RBFOX3: variants seen among roughly 807,000 people sequenced by gnomAD.
RBFOX3 encodes RNA binding fox-1 homolog 3.
In RBFOX3, 17 loss-of-function variants were observed where a neutral mutation model predicts 48.7. That is an observed-to-expected ratio of 0.35 (90% CI 0.24 to 0.52). The LOEUF is 0.52. Ranked by LOEUF, RBFOX3 falls within the 20% of genes least tolerant of loss-of-function variation. The pLI, the probability that RBFOX3 is intolerant of heterozygous loss-of-function variation, is 0.94. For missense variants in RBFOX3, 382 were observed against 497.5 expected, an observed-to-expected ratio of 0.77 and a Z score of 2.21; for synonymous variants, 212 against 209.5, an observed-to-expected ratio of 1.01 and a Z score of -0.10.
intron 4 of RBFOX3, among the ~76,000 whole-genome samples, chr17:79,167,737 G>A (rs1348616730): frequency 6.6e-6 from 1 of 152,176 alleles, no homozygotes; most frequent in Non-Finnish European, 1.5e-5. Flanking sequence ...CAGCTGCCCT[G>A]GGGCCTCTTC....
Position 79,418,273 on chromosome 17 carries a change from G to A in RBFOX3, c.-175+64181C>T, listed in dbSNP as rs1555720200. On this transcript the variant is annotated intron_variant, in intron 2 of 14. Coordinates refer to ENST00000693108, the MANE Select transcript of RBFOX3 (RefSeq NM_001350451.2). This position sits in a 1 kb window ranked among gnomAD's most constrained non-coding sequence, Gnocchi z 5.0. ...TTTTTCCAATCGCAGGGATGTATGTGTTCCATCCAGCTGCCTAGTCCTCCC... is the reference window on the plus strand; with the variant it reads ...TTTTTCCAATCGCAGGGATGTATGTATTCCATCCAGCTGCCTAGTCCTCCC... Among the ~76,000 whole-genome samples, 1 of 152,180 alleles carries A rather than the reference G, an allele frequency of 6.6e-6. No individual in the cohort carries two copies. The highest frequency in any genetic ancestry group is 2.4e-5 in the African/African-American group (1 of 41,430).
At chr17:79,129,896 G>A (rs189375323) in intron 4 of RBFOX3, among the ~76,000 whole-genome samples, 57 of 152,272 alleles carry the variant, frequency 3.7e-4, no homozygotes, top group Non-Finnish European at 7.5e-4. Context: ...TGCCCCAGTC[G>A]GGCTCCAATT....
At chr17:79,263,020 C>T (rs909932459) in intron 3 of RBFOX3, among the ~76,000 whole-genome samples, 2 of 152,164 alleles carry the variant, frequency 1.3e-5, no homozygotes, top group Non-Finnish European at 2.9e-5. Context: ...GGAGAACTTG[C>T]TCTTGGCCAC....
intron 1 of RBFOX3, among the ~76,000 whole-genome samples, chr17:79,544,672 T>A (rs2090155474): frequency 6.6e-6 from 1 of 151,990 alleles, no homozygotes; most frequent in South Asian, 2.1e-4. Context: ...CACACCTGGC[T>A]GCCTTCCCCA....
At chr17:79,280,737 C>T (rs1567969535) in intron 3 of RBFOX3, among the ~76,000 whole-genome samples, 1 of 150,954 alleles carries the variant, frequency 6.6e-6, no homozygotes, top group Non-Finnish European at 1.5e-5. Flanking sequence ...CAAAGCTGAG[C>T]ACAATGAACC....
chr17:79,533,208 C>A (rs1419126316), intron 1 of RBFOX3, among the ~76,000 whole-genome samples: 3 of 152,246 alleles, frequency 2.0e-5, no homozygotes, highest in Non-Finnish European at 4.4e-5. Context: ...ACTTCATGGC[C>A]TCTGCCCTGT....
At chr17:79,250,911 C>A (rs987070952) in intron 3 of RBFOX3, among the ~76,000 whole-genome samples, 3 of 151,742 alleles carry the variant, frequency 2.0e-5, no homozygotes, top group African/African-American at 7.3e-5. Context: ...TTCTCCCAAG[C>A]AATTCTCCTA....
At chr17:79,339,863 C>T (rs1315992585) in intron 2 of RBFOX3, among the ~76,000 whole-genome samples, 2 of 152,184 alleles carry the variant, frequency 1.3e-5, no homozygotes, top group African/African-American at 4.8e-5. Context: ...CTTTCTAGCA[C>T]CTACATTCTA....
chr17:79,242,541 A>AGGAGGGGAGAGAAGAGG lies in RBFOX3; in HGVS notation c.-73-6753_-73-6737dup, dbSNP rs1162381200. ...ATAGAAATTTGCCTTTAGAGAGGAA[A>AGGAGGGGAGAGAAGAGG]GGAGGGGAGAGAAGAGGAGAGGGGA... On this transcript the variant is annotated intron_variant, in intron 3 of 14. Coordinates refer to ENST00000693108, the MANE Select transcript of RBFOX3 (RefSeq NM_001350451.2). The surrounding 1 kb of genome is among the most constrained non-coding windows in gnomAD (Gnocchi z 5.8). Among the ~76,000 whole-genome samples the AGGAGGGGAGAGAAGAGG allele has an allele frequency of 6.6e-6, 1 of 151,310 alleles. No homozygotes were observed. Among genetic ancestry groups the AGGAGGGGAGAGAAGAGG allele is most frequent in the African/African-American group, 2.4e-5 (1 of 41,188 alleles).
intron 6 of RBFOX3, among the ~76,000 whole-genome samples, chr17:79,104,912 C>T (rs539273724): frequency 1.2e-3 from 9 of 7,362 alleles, no homozygotes; most frequent in East Asian, 0.011. Flanking sequence ...TGCTGGCGTG[C>T]GGTGCTGAGC....
At chr17:79,499,118 A>T (rs1280235643) in intron 1 of RBFOX3, among the ~76,000 whole-genome samples, 3 of 150,988 alleles carry the variant, frequency 2.0e-5, no homozygotes, top group African/African-American at 7.3e-5. Flanking sequence ...CCACTTATCC[A>T]TCCATCCATC....
chr17:79,399,293 C>T (rs1343951834), intron 2 of RBFOX3, among the ~76,000 whole-genome samples: 2 of 152,164 alleles, frequency 1.3e-5, no homozygotes, highest in South Asian at 2.1e-4. Context: ...AGGCTATCCC[C>T]GCTTCACAAA....
chr17:79,121,188 C>T (rs1162166256), intron 4 of RBFOX3, among the ~76,000 whole-genome samples: 3 of 152,142 alleles, frequency 2.0e-5, no homozygotes, highest in Non-Finnish European at 4.4e-5. Flanking sequence ...GGATGAGCAT[C>T]GTGCTCCCAG....
chr17:79,239,997 C>T (rs1229160614), intron 3 of RBFOX3, among the ~76,000 whole-genome samples: 3 of 152,190 alleles, frequency 2.0e-5, no homozygotes. Context: ...CTTGATTCCA[C>T]CTGGCTCACA....
At chr17:79,526,767 T>C (rs1048264794) in intron 1 of RBFOX3, among the ~76,000 whole-genome samples, 3 of 152,170 alleles carry the variant, frequency 2.0e-5, no homozygotes, top group Non-Finnish European at 4.4e-5. Flanking sequence ...CAGGCCTCAT[T>C]CTCTGCAGAG....
chr17:79,556,204 C>T (rs924316563), intron 1 of RBFOX3, among the ~76,000 whole-genome samples: 31 of 152,326 alleles, frequency 2.0e-4, no homozygotes, highest in African/African-American at 5.5e-4. Context: ...TTTTCCAAAC[C>T]AAGCTGGTCT....
At chr17:79,354,378 C>T (rs1002256677) in intron 2 of RBFOX3, among the ~76,000 whole-genome samples, 1 of 152,242 alleles carries the variant, frequency 6.6e-6, no homozygotes, top group Admixed American at 6.5e-5. Context: ...CGGAGCCTCC[C>T]TCTCAGGCAG....
chr17:79,351,664 C>T (rs143310826), intron 2 of RBFOX3, among the ~76,000 whole-genome samples: 3 of 152,206 alleles, frequency 2.0e-5, no homozygotes, highest in African/African-American at 7.2e-5. Context: ...AGTCCTTTGC[C>T]TATTTTTAAA....
At chr17:79,659,438 A>G in the RBFOX3 span, among the ~76,000 whole-genome samples, 1 of 152,172 alleles carries the variant, frequency 6.6e-6, no homozygotes, top group Non-Finnish European at 1.5e-5. Context: ...CCCAAAGAAC[A>G]GCAGGTGCAA....
Sources: allele counts gnomAD v4.1 joint callset (sites outside exome capture counted in the v4.1 genomes callset), GRCh38; gene constraint gnomAD v4.1.1; non-coding constraint Gnocchi (gnomAD v3.1); transcripts MANE v1.5; gene names NCBI Gene and HGNC (gene_info 2026-07-23, HGNC 2026-07-21).